Variants in SUN1 observed in about 807,000 individuals in gnomAD.
The protein encoded by SUN1 is SUN domain-containing protein 1.
SUN1 carries 61 observed loss-of-function variants against 103.2 expected under a neutral mutation model. That is an observed-to-expected ratio of 0.59 (90% CI 0.48 to 0.73). The LOEUF (loss-of-function observed/expected upper bound fraction) is 0.73, where lower values mean the gene tolerates loss of function less well. SUN1 is among the 30% of genes least tolerant of loss of function. The pLI is 0.00. For missense variants in SUN1, 1,052 were observed against 1,034.6 expected (o/e 1.02, Z -0.23); for synonymous variants, 490 against 425.7 (o/e 1.15, Z -1.86).
In SUN1 at chr7:838,806, A is replaced by G. The variant is rs765522260; in HGVS notation, c.86A>G (p.Tyr29Cys). The change falls in exon 2 of 19, where the codon TAT (tyrosine) becomes TGT (cysteine). Residue 29 changes from tyrosine to cysteine, a missense_variant. By Grantham distance (194) the Tyr-to-Cys change is radical. Around this residue, in one of 2 missense-constraint regions of SUN1, gnomAD observed 846 missense variants for 774.5 expected, o/e 1.09. Coordinates refer to ENST00000401592, the MANE Select transcript of SUN1 (RefSeq NM_001130965.3). ...TGYTYALSSS[Y>C]SSDALDFETE... The stretch of plus-strand genomic sequence containing the variant: ...GAGCTTTTTCCTTCTAGTTCCAGCT[A>G]TTCTTCAGATGCTCTGGATTTTGAG... The G allele has an allele frequency of 6.5e-7, 1 of 1,547,772 alleles. No individual in the cohort carries two copies.
intron 15 of SUN1, among the ~76,000 whole-genome samples, chr7:864,245 T>C (rs1834475865): frequency 6.6e-6 from 1 of 152,028 alleles, no homozygotes; most frequent in East Asian, 1.9e-4. Context: ...ATACTCTAAG[T>C]TATTTAAAAA....
chr7:865,889 CAGT>C, intron 15 of SUN1, 60 bp from the exon 16 acceptor site: 1 of 1,287,718 alleles, frequency 7.8e-7, no homozygotes, highest in Non-Finnish European at 1.1e-6. Context: ...TGAAGTGGTG[CAGT>C]ACTATTGCTT....
intron 11 of SUN1, among the ~76,000 whole-genome samples, chr7:855,575 G>C (rs1408314747): frequency 6.6e-6 from 1 of 152,200 alleles, no homozygotes; most frequent in Non-Finnish European, 1.5e-5. Flanking sequence ...GAACTACCTT[G>C]AGAAGTGTGG....
upstream of SUN1, chr7:816,020 T>C: frequency 4.8e-6 from 1 of 207,788 alleles, no homozygotes; most frequent in Non-Finnish European, 1.0e-5. Context: ...TCAGACCCTC[T>C]CATGGAGATG....
At chr7:871,231 A>C (rs891403731) in intron 17 of SUN1, among the ~76,000 whole-genome samples, 2 of 152,120 alleles carry the variant, frequency 1.3e-5, no homozygotes, top group African/African-American at 4.8e-5. Context: ...TGTAAATTCT[A>C]GTCTTCTTTT....
At chr7:851,874 T>G (rs1822537117) in intron 6 of SUN1, 76 bp from the exon 7 acceptor site, 4 of 1,493,654 alleles carry the variant, frequency 2.7e-6, no homozygotes, top group Non-Finnish European at 3.7e-6. Flanking sequence ...AGCTTGGCCT[T>G]CACAGAAATG....
intron 17 of SUN1, 115 bp downstream of exon 17, chr7:869,631 C>G (rs1839959534): frequency 7.9e-7 from 1 of 1,271,286 alleles, no homozygotes; most frequent in African/African-American, 1.5e-5. Context: ...CCTCCGCCCT[C>G]TCTCAGATTC....
intron 5 of SUN1, chr7:843,783 G>A: frequency 7.0e-7 from 1 of 1,422,908 alleles, no homozygotes; most frequent in South Asian, 1.6e-5. Flanking sequence ...TTCTACGTAA[G>A]CGAAACTAAT....
rs1363378660 is a variant in SUN1, at chr7:873,508, G to A, written c.*177G>A. On this transcript the variant is annotated 3_prime_UTR_variant, in exon 19 of 19. Transcript: ENST00000401592. ...CGGGCGCCTTGGCGCCACCTGTTGG[G>A]TGCTCACTGCCTCTGCAGGTGCAGA... is the stretch of plus-strand genomic sequence containing the variant. 5 of 629,004 alleles carry A rather than the reference G, an allele frequency of 7.9e-6. No individual in the cohort carries two copies. The African/African-American group carries it at 9.2e-5, about 12-fold the overall frequency. 39.0% of individuals were successfully genotyped at this position (629,004 alleles called of 1,614,324 possible).
chr7:851,976 T>C lies in SUN1; in HGVS notation c.784T>C (p.Trp262Arg). 1 of 1,614,140 alleles carries C rather than the reference T, an allele frequency of 6.2e-7. No individual in the cohort carries two copies. Among genetic ancestry groups the C allele is most frequent in the Non-Finnish European group, 8.5e-7 (1 of 1,179,994 alleles). Reference sequence around the variant, plus strand: ...GAAGGCAGCCTCTGGAGTGTTCTGGTGGCTGGGGATTGGATGGTACCAGTT... The same window carrying C: ...GAAGGCAGCCTCTGGAGTGTTCTGGCGGCTGGGGATTGGATGGTACCAGTT... ...PGKAASGVFW[W>R]LGIGWYQFVT... Residue 262 changes from tryptophan (W) to arginine (R), a missense_variant, in exon 7 of 19, where the codon TGG becomes CGG. Trp to Arg is a moderately radical substitution (Grantham distance 101). Around this residue, in one of 2 missense-constraint regions of SUN1, gnomAD observed 846 missense variants for 774.5 expected, o/e 1.09. Transcript: ENST00000401592.
rs958909784 is a variant in SUN1, at chr7:853,048, C to A, written c.1053+96C>A. 8.9e-6 allele frequency: 13 copies of A among 1,453,672 alleles called. No individual in the cohort carries two copies. In the South Asian group the frequency reaches 1.8e-4, roughly 21 times the overall value. The allele number at this position is 1,453,672 out of a possible 1,614,324, so 90.0% of individuals were successfully genotyped here. On this transcript the variant is annotated intron_variant, in intron 9 of 18. Coordinates refer to ENST00000401592, the MANE Select transcript of SUN1 (RefSeq NM_001130965.3). ...TGAGCCAGGCACTTCAGTTGGGTGT[C>A]CTGTTGTAAGAAGTATTTTTAAATG...
chr7:843,762 C>A, intron 5 of SUN1: 1 of 1,426,240 alleles, frequency 7.0e-7, no homozygotes, highest in Non-Finnish European at 9.2e-7. Context: ...TTGACGTGAG[C>A]AAAAGAAAAT....
chr7:840,891 T>G (rs1336182549), intron 2 of SUN1, among the ~76,000 whole-genome samples: 1 of 152,106 alleles, frequency 6.6e-6, no homozygotes, highest in Non-Finnish European at 1.5e-5. Flanking sequence ...TCCACCTGTC[T>G]TGGTCTCCCA....
chr7:840,639 CTTTTTTTTTT>C (rs540064618), intron 2 of SUN1, among the ~76,000 whole-genome samples: 1 of 127,778 alleles, frequency 7.8e-6, no homozygotes, highest in East Asian at 2.3e-4. Context: ...ACCATCTATT[CTTTTTTTTTT>C]TTTTTTTTTT....
At chr7:853,846 C>T (rs891896126) in intron 10 of SUN1, among the ~76,000 whole-genome samples, 2 of 152,154 alleles carry the variant, frequency 1.3e-5, no homozygotes, top group African/African-American at 4.8e-5. Flanking sequence ...AAGTGGTGGG[C>T]GGGAGACTTG....
Position 852,079 on chromosome 7 carries a change from A to G in SUN1, c.851+36A>G, listed in dbSNP as rs760868523. 2.4e-5 allele frequency: 39 copies of G among 1,593,588 alleles called. No homozygotes were observed. In the Middle Eastern group the frequency reaches 3.3e-3, roughly 136 times the overall value. On this transcript the variant is annotated intron_variant, in intron 7 of 18. Coordinates refer to ENST00000401592, the MANE Select transcript of SUN1 (RefSeq NM_001130965.3). ...GGATATCATGTCAGCGTGGTGCTTT[A>G]AGGAACCAATTTTGTGCCAATTGCA...
chr7:870,328 G>A lies in SUN1; in HGVS notation c.2148+812G>A, dbSNP rs531293261. Among the ~76,000 whole-genome samples the A allele has an allele frequency of 3.8e-4, 58 of 152,102 alleles. 2 individuals carry two copies. The highest frequency in any genetic ancestry group is 1.3e-3 in the African/African-American group (56 of 41,500). On this transcript the variant is annotated intron_variant, in intron 17 of 18. Transcript: ENST00000401592. ...AAATTGGCCAGGCGCTGTGGCTCAT[G>A]CCTGTAATCCTAGCACTTTGGGAGG...
In SUN1 at chr7:852,888, A is replaced by G. The variant is rs1393801513; in HGVS notation, c.989A>G (p.Gln330Arg). 4 of 1,614,010 alleles carry G rather than the reference A, an allele frequency of 2.5e-6. No homozygotes were observed. The highest frequency in any genetic ancestry group is 3.3e-5 in the Admixed American group (2 of 59,998). Residue 330 changes from glutamine to arginine, a missense_variant, in exon 9 of 19, where the codon CAG becomes CGG. Physicochemically the swap from Gln to Arg is conservative, Grantham distance 43. Around this residue, in one of 2 missense-constraint regions of SUN1, gnomAD observed 846 missense variants for 774.5 expected, o/e 1.09. Coordinates refer to ENST00000401592, the MANE Select transcript of SUN1 (RefSeq NM_001130965.3). The stretch of plus-strand genomic sequence containing the variant: ...AACTGGGCAAGCATGCATAGAACAC[A>G]GCGGGTGGATGACCCCCAGGACGTG... ...VLNWASMHRT[Q>R]RVDDPQDVFK...
intron 9 of SUN1, 65 bp from the exon 10 acceptor site, chr7:853,344 G>A: frequency 3.2e-6 from 5 of 1,582,208 alleles, no homozygotes; most frequent in Non-Finnish European, 4.3e-6. Context: ...CTGTTTGGAG[G>A]TTTAACTGAC....
Sources: allele counts gnomAD v4.1 joint callset (sites outside exome capture counted in the v4.1 genomes callset), GRCh38; gene constraint gnomAD v4.1.1; regional missense constraint gnomAD v4.1.1; transcripts MANE v1.5; gene names NCBI Gene and HGNC (gene_info 2026-07-23, HGNC 2026-07-21).